Variants in AGBL4 observed in about 807,000 individuals in gnomAD.
AGBL4 encodes cytosolic carboxypeptidase 6.
A neutral mutation model predicts 66.4 loss-of-function variants in AGBL4; 58 were observed. The observed-to-expected ratio is 0.87, with a 90% CI of 0.71 to 1.09. AGBL4 has a LOEUF of 1.09. Among genes scored for constraint, AGBL4 ranks in the 50% least tolerant of loss-of-function variants. AGBL4 has a pLI of 0.00. For synonymous variants in AGBL4, 234 were observed against 222.9 expected, an observed-to-expected ratio of 1.05 and a Z score of -0.44; for missense variants, 579 against 631.0, an observed-to-expected ratio of 0.92 and a Z score of 0.88.
chr1:49,346,388 A>G (rs949856352), intron 3 of AGBL4, among the ~76,000 whole-genome samples: 1 of 152,198 alleles, frequency 6.6e-6, no homozygotes, highest in Non-Finnish European at 1.5e-5. Flanking sequence ...AATTCTGGAT[A>G]CATACTGGAA....
intron 3 of AGBL4, among the ~76,000 whole-genome samples, chr1:49,426,256 A>G (rs537223281): frequency 6.6e-6 from 1 of 152,200 alleles, no homozygotes; most frequent in Non-Finnish European, 1.5e-5. Flanking sequence ...ATGAGTTAAC[A>G]TTATTGCAGC....
chr1:48,908,187 C>G (rs1468453738), intron 5 of AGBL4, among the ~76,000 whole-genome samples: 2 of 152,170 alleles, frequency 1.3e-5, no homozygotes, highest in African/African-American at 2.4e-5. Context: ...CTGTGCTTCT[C>G]TCCTCCAGGC....
intron 5 of AGBL4, among the ~76,000 whole-genome samples, chr1:48,892,860 ATT>A (rs1234747960): frequency 6.6e-6 from 1 of 152,140 alleles, no homozygotes; most frequent in Non-Finnish European, 1.5e-5. Flanking sequence ...TGGAGAAAGC[ATT>A]TTAAAAGAAA....
chr1:48,608,353 T>C (rs550103027), intron 9 of AGBL4, among the ~76,000 whole-genome samples: 98 of 152,332 alleles, frequency 6.4e-4, no homozygotes, highest in Non-Finnish European at 1.1e-3. Flanking sequence ...TTCTAAGCCA[T>C]CTAGAGACGT....
intron 5 of AGBL4, among the ~76,000 whole-genome samples, chr1:48,881,156 C>G (rs4457622): frequency 6.6e-6 from 1 of 151,962 alleles, no homozygotes; most frequent in Non-Finnish European, 1.5e-5. Flanking sequence ...GTTCATATTG[C>G]CACATTGATT....
chr1:48,728,563 T>C (rs1647586728), intron 6 of AGBL4, among the ~76,000 whole-genome samples: 1 of 151,884 alleles, frequency 6.6e-6, no homozygotes. Flanking sequence ...TCATTTTCAC[T>C]GATGAGTAGT....
chr1:48,676,450 C>G (rs1295967575), intron 6 of AGBL4, among the ~76,000 whole-genome samples: 1 of 152,244 alleles, frequency 6.6e-6, no homozygotes, highest in Non-Finnish European at 1.5e-5. Context: ...GTGCTTCACT[C>G]TTCTTGTCCA....
At position 48,534,035 on chromosome 1, in the gene AGBL4, C is replaced by T. The variant is rs1643930753; in HGVS notation, c.*138G>A. The T allele has an allele frequency of 1.5e-6, 2 of 1,341,152 alleles. No homozygotes were observed. Among genetic ancestry groups the T allele is most frequent in the Non-Finnish European group, 2.1e-6 (2 of 963,176 alleles). 83.1% of individuals were successfully genotyped at this position (1,341,152 alleles called of 1,614,324 possible). On this transcript the variant is annotated 3_prime_UTR_variant, in exon 14 of 14. Transcript: ENST00000371839. ...AAAGGGAAAATCAGTGATGAAGTTT[C>T]TCATTGTATCCCTTCCCTTTCACTA...
intron 3 of AGBL4, among the ~76,000 whole-genome samples, chr1:49,315,325 T>C (rs990441913): frequency 1.3e-5 from 2 of 152,102 alleles, no homozygotes; most frequent in Non-Finnish European, 2.9e-5. Flanking sequence ...ATTCAGGACA[T>C]AGGCATGGGC....
At chr1:49,915,574 C>A (rs975287103) in intron 1 of AGBL4, among the ~76,000 whole-genome samples, 7 of 152,178 alleles carry the variant, frequency 4.6e-5, no homozygotes, top group Non-Finnish European at 1.0e-4. Context: ...AGTAGGTAAA[C>A]AAAGCGGCCC....
At chr1:49,371,346 AC>A (rs1644341856) in intron 3 of AGBL4, among the ~76,000 whole-genome samples, 1 of 152,114 alleles carries the variant, frequency 6.6e-6, no homozygotes, top group Admixed American at 6.6e-5. Flanking sequence ...ATATATGTTT[AC>A]TTGCTATCTC....
intron 2 of AGBL4, among the ~76,000 whole-genome samples, chr1:49,782,544 G>T (rs1266107362): frequency 6.6e-6 from 1 of 152,188 alleles, no homozygotes; most frequent in Non-Finnish European, 1.5e-5. Flanking sequence ...TCTTTAAGAA[G>T]TAAGTAGAAG....
chr1:48,719,283 T>G (rs568746243), intron 6 of AGBL4, among the ~76,000 whole-genome samples: 5 of 152,296 alleles, frequency 3.3e-5, no homozygotes, highest in Admixed American at 6.5e-5. Flanking sequence ...GGTGCTCCTC[T>G]GGACATAGTT....
At chr1:49,767,985 TA>T (rs1161416588) in intron 2 of AGBL4, among the ~76,000 whole-genome samples, 7,684 of 132,634 alleles carry the variant, frequency 0.058, 546 homozygotes, top group African/African-American at 0.18. Context: ...AAGTATAATT[TA>T]AAAAAAAAAA....
chr1:49,767,924 C>T (rs967810965), intron 2 of AGBL4, among the ~76,000 whole-genome samples: 8 of 149,816 alleles, frequency 5.3e-5, no homozygotes, highest in Admixed American at 3.3e-4. Context: ...CCTGAAAAGA[C>T]AAATATCAAG....
chr1:49,155,159 A>G (rs1160285076), intron 4 of AGBL4, among the ~76,000 whole-genome samples: 6 of 152,188 alleles, frequency 3.9e-5, no homozygotes, highest in African/African-American at 1.2e-4. Flanking sequence ...AAATATGTGT[A>G]TGCATGATCT....
intron 4 of AGBL4, among the ~76,000 whole-genome samples, chr1:49,196,045 A>G (rs1425655316): frequency 3.9e-5 from 6 of 152,250 alleles, no homozygotes; most frequent in Non-Finnish European, 8.8e-5. Flanking sequence ...GCCTTCCACC[A>G]TGATTGTAAG....
intron 2 of AGBL4, among the ~76,000 whole-genome samples, chr1:49,833,927 T>A (rs1645773742): frequency 6.6e-6 from 1 of 152,180 alleles, no homozygotes; most frequent in East Asian, 1.9e-4. Flanking sequence ...TATACAATCA[T>A]GTCATCTGCA....
chr1:49,966,392 T>C (rs568214263), intron 1 of AGBL4, among the ~76,000 whole-genome samples: 5 of 152,354 alleles, frequency 3.3e-5, no homozygotes, highest in African/African-American at 1.2e-4. Flanking sequence ...ACACTAGCTT[T>C]TCAAAAATGA....
Sources: gnomAD v4.1 joint callset for allele counts (sites outside exome capture counted in the v4.1 genomes callset) on GRCh38, gnomAD v4.1.1 for gene constraint, MANE v1.5 for transcripts, NCBI Gene and HGNC (gene_info 2026-07-23, HGNC 2026-07-21) for gene names.